The following RBFOX1 variants were observed in gnomAD, a reference collection of about 807,000 sequenced individuals.
RBFOX1 encodes the protein RNA binding protein fox-1 homolog 1.
A neutral mutation model predicts 57.7 loss-of-function variants in RBFOX1; 8 were observed. The ratio of observed to expected loss-of-function variants is 0.14; its 90% CI spans 0.08 to 0.25. RBFOX1 has a LOEUF of 0.25. RBFOX1 is among the 10% of genes least tolerant of loss of function. The pLI, the probability that RBFOX1 is intolerant of heterozygous loss-of-function variation, is 1.00. For synonymous variants in RBFOX1, 326 were observed against 222.4 expected (o/e 1.47, Z -4.15); for missense variants, 611 against 548.5 (o/e 1.11, Z -1.14).
chr16:6,260,770 A>C (rs543188010), intron 1 of RBFOX1, among the ~76,000 whole-genome samples: 1 of 151,892 alleles, frequency 6.6e-6, no homozygotes, highest in African/African-American at 2.4e-5. Context: ...AATCTCAGCT[A>C]CTCCAGGGGC....
intron 4 of RBFOX1, among the ~76,000 whole-genome samples, chr16:7,078,862 C>CTT (rs1567178231): frequency 5.2e-5 from 2 of 38,536 alleles, no homozygotes; most frequent in South Asian, 2.2e-3. Context: ...TATATATATA[C>CTT]CTTTTTTTTT....
At chr16:5,925,134 T>G (rs2058915421) in intron 4 of RBFOX1, among the ~76,000 whole-genome samples, 1 of 152,160 alleles carries the variant, frequency 6.6e-6, no homozygotes, top group African/African-American at 2.4e-5. Flanking sequence ...CAGATCCCGA[T>G]GCCTCTGCAG....
At chr16:7,170,169 A>C (rs1445924581) in intron 4 of RBFOX1, among the ~76,000 whole-genome samples, 2 of 152,146 alleles carry the variant, frequency 1.3e-5, no homozygotes, top group African/African-American at 4.8e-5. Context: ...AATTTCCAAA[A>C]CCCCTTTTAT....
At chr16:7,196,958 G>C (rs775884730) in intron 4 of RBFOX1, among the ~76,000 whole-genome samples, 1 of 152,214 alleles carries the variant, frequency 6.6e-6, no homozygotes, top group Non-Finnish European at 1.5e-5. Flanking sequence ...TATAAATCCA[G>C]TGGTCTAATC....
chr16:7,180,085 A>T (rs916841842), intron 4 of RBFOX1, among the ~76,000 whole-genome samples: 1 of 152,158 alleles, frequency 6.6e-6, no homozygotes, highest in East Asian at 1.9e-4. Flanking sequence ...CTCAGAGAAA[A>T]TATTTCTTCT....
At chr16:6,328,782 T>G (rs1053277148) in intron 2 of RBFOX1, among the ~76,000 whole-genome samples, 2 of 152,168 alleles carry the variant, frequency 1.3e-5, no homozygotes, top group Non-Finnish European at 2.9e-5. Context: ...AACCTTTTAC[T>G]ATAGAGAATG....
intron 1 of RBFOX1, among the ~76,000 whole-genome samples, chr16:5,267,296 G>C (rs2062883544): frequency 1.3e-5 from 1 of 79,600 alleles, no homozygotes; most frequent in Non-Finnish European, 2.4e-5. Flanking sequence ...CACACATAAG[G>C]GTTTTTTTTT....
At chr16:5,663,708 C>G (rs1000114244) in intron 3 of RBFOX1, among the ~76,000 whole-genome samples, 4 of 152,160 alleles carry the variant, frequency 2.6e-5, no homozygotes, top group African/African-American at 9.7e-5. Context: ...TCATGTAGAG[C>G]GCCCTGCTGC....
At chr16:5,625,263 A>C (rs2048315241) in intron 3 of RBFOX1, among the ~76,000 whole-genome samples, 1 of 151,984 alleles carries the variant, frequency 6.6e-6, no homozygotes, top group Non-Finnish European at 1.5e-5. Flanking sequence ...TGGGCGTGGT[A>C]GGGGCGTAGG....
intron 4 of RBFOX1, among the ~76,000 whole-genome samples, chr16:5,921,469 A>T (rs974442605): frequency 6.6e-6 from 1 of 152,196 alleles, no homozygotes; most frequent in African/African-American, 2.4e-5. Flanking sequence ...AAAGAATCTT[A>T]TCTGACTTGA....
In RBFOX1 at chr16:6,636,314, G is replaced by A. The variant is rs147895610; in HGVS notation, c.-63-18289G>A. Among the ~76,000 whole-genome samples, 234 of 152,244 alleles carry A rather than the reference G, an allele frequency of 1.5e-3. 1 individual carries two copies. The highest frequency in any genetic ancestry group is 5.5e-3 in the African/African-American group (227 of 41,552). On this transcript the variant is annotated intron_variant, in intron 2 of 15. Transcript: ENST00000550418. ...GCCTCCCGAGTAGCTGGGACTAGAG[G>A]CGCCTGCCACCACACACGGCTAATT...
intron 1 of RBFOX1, among the ~76,000 whole-genome samples, chr16:5,427,995 T>C (rs948236455): frequency 5.9e-5 from 9 of 152,084 alleles, no homozygotes; most frequent in Non-Finnish European, 1.0e-4. Flanking sequence ...CACACTGACA[T>C]TGTGGGTCTG....
chr16:5,243,449 G>A (rs2062219024), intron 1 of RBFOX1, among the ~76,000 whole-genome samples: 1 of 152,156 alleles, frequency 6.6e-6, no homozygotes, highest in Admixed American at 6.5e-5. Flanking sequence ...AGAAACCTGG[G>A]TTTCTCAGCT....
intron 3 of RBFOX1, among the ~76,000 whole-genome samples, chr16:6,826,283 C>G (rs1013406406): frequency 6.6e-6 from 1 of 152,052 alleles, no homozygotes; most frequent in Non-Finnish European, 1.5e-5. Context: ...GAGGCCGAAG[C>G]GAGAAAATCG....
In RBFOX1 at chr16:7,215,869, C is replaced by T. The variant is rs541078206; in HGVS notation, c.27+163771C>T. 2.2e-4 allele frequency among the ~76,000 whole-genome samples: 33 copies of T among 152,010 alleles called. No individual in the cohort carries two copies. In the East Asian group the frequency reaches 3.5e-3, roughly 16 times the overall value. On this transcript the variant is annotated intron_variant, in intron 4 of 15. Coordinates refer to ENST00000550418, the MANE Select transcript of RBFOX1 (RefSeq NM_018723.4). The stretch of plus-strand genomic sequence containing the variant: ...CCTCCCGATTAGCTGGGACTACAGG[C>T]GTCTGCCACGGCACCCGGCTAATTT...
chr16:6,739,755 T>A (rs1439571577), intron 3 of RBFOX1, among the ~76,000 whole-genome samples: 14 of 152,054 alleles, frequency 9.2e-5, no homozygotes, highest in Non-Finnish European at 2.1e-4. Context: ...CAGGTGCCTG[T>A]AGTCTCGGCT....
chr16:5,905,531 T>G (rs79031876), intron 4 of RBFOX1, among the ~76,000 whole-genome samples: 1,659 of 152,082 alleles, frequency 0.011, 36 homozygotes, highest in African/African-American at 0.038. Context: ...GGAAAACATG[T>G]TGAAACCGAA....
intron 1 of RBFOX1, among the ~76,000 whole-genome samples, chr16:5,276,987 T>A (rs547673805): frequency 6.6e-6 from 1 of 152,258 alleles, no homozygotes; most frequent in African/African-American, 2.4e-5. Context: ...AAAGACACTT[T>A]TGCACACATG....
intron 3 of RBFOX1, among the ~76,000 whole-genome samples, chr16:6,869,671 A>T (rs1205802948): frequency 6.6e-6 from 1 of 152,206 alleles, no homozygotes; most frequent in African/African-American, 2.4e-5. Flanking sequence ...TACCCTTCTC[A>T]AAACAAATTC....
Sources: allele counts gnomAD v4.1 joint callset (sites outside exome capture counted in the v4.1 genomes callset), GRCh38; gene constraint gnomAD v4.1.1; transcripts MANE v1.5; gene names NCBI Gene and HGNC (gene_info 2026-07-23, HGNC 2026-07-21).